The following CHRM5 variants were observed in gnomAD, a reference collection of about 807,000 sequenced individuals.
CHRM5 encodes cholinergic receptor muscarinic 5.
Under a neutral mutation model 39.0 loss-of-function variants are expected in CHRM5, and 18 were observed. The observed-to-expected ratio is 0.46, with a 90% CI of 0.32 to 0.68. CHRM5 has a LOEUF of 0.68. Ranked by LOEUF, CHRM5 falls within the 30% of genes least tolerant of loss-of-function variation. The pLI, the probability that CHRM5 is intolerant of heterozygous loss-of-function variation, is 0.04. For synonymous variants in CHRM5, 241 were observed against 246.3 expected (o/e 0.98, Z 0.20); for missense variants, 515 against 651.1 (o/e 0.79, Z 2.28).
intron 1 of CHRM5, among the ~76,000 whole-genome samples, chr15:34,035,945 C>T (rs768957841): frequency 5.9e-5 from 9 of 152,032 alleles, no homozygotes; most frequent in Non-Finnish European, 1.2e-4. Context: ...ACAGATGCAC[C>T]CCGCCATGCT....
At chr15:33,995,486 A>C (rs1033869283) in intron 1 of CHRM5, among the ~76,000 whole-genome samples, 1 of 152,192 alleles carries the variant, frequency 6.6e-6, no homozygotes, top group African/African-American at 2.4e-5. Flanking sequence ...TAGCATTCCT[A>C]GATTTTGGTA....
chr15:34,000,193 C>T (rs1005323973), intron 1 of CHRM5, among the ~76,000 whole-genome samples: 5 of 152,180 alleles, frequency 3.3e-5, no homozygotes, highest in Admixed American at 3.3e-4. Flanking sequence ...ACAGCCCTTC[C>T]TCATTTTATT....
chr15:33,976,109 T>C (rs1250638986), intron 1 of CHRM5, among the ~76,000 whole-genome samples: 1 of 152,216 alleles, frequency 6.6e-6, no homozygotes, highest in African/African-American at 2.4e-5. Context: ...TGAACCTCCA[T>C]ATATAACTAA....
chr15:34,063,110 C>G lies in CHRM5; in HGVS notation c.393C>G (p.Ser131=). The G allele has an allele frequency of 6.2e-7, 1 of 1,614,130 alleles. No individual in the cohort carries two copies. Among genetic ancestry groups the G allele is most frequent in the South Asian group, 1.1e-5 (1 of 91,074 alleles). ...LLVISFDRYF[S]ITRPLTYRAK... ...TGATCAGTTTTGACCGTTACTTTTC[C>G]ATCACAAGACCCTTGACATATCGGG... The change falls in exon 3 of 3, where the codon TCC becomes TCG. Residue 131 remains serine (S), a synonymous_variant. Transcript: ENST00000383263. The surrounding 1 kb of genome is among the most constrained non-coding windows in gnomAD (Gnocchi z 4.1).
intron 2 of CHRM5, among the ~76,000 whole-genome samples, chr15:34,052,910 G>C (rs1200361457): frequency 6.6e-6 from 1 of 152,106 alleles, no homozygotes; most frequent in Non-Finnish European, 1.5e-5. Flanking sequence ...CATGAAAATA[G>C]TCATACTGCC....
chr15:34,022,158 T>A (rs2702284), intron 1 of CHRM5, among the ~76,000 whole-genome samples: 1 of 152,126 alleles, frequency 6.6e-6, no homozygotes, highest in Admixed American at 6.5e-5. Context: ...CTAGCTGAAC[T>A]GCTTTCTATT....
intron 1 of CHRM5, among the ~76,000 whole-genome samples, chr15:34,019,565 C>T (rs952623103): frequency 1.3e-5 from 2 of 152,228 alleles, no homozygotes; most frequent in East Asian, 3.8e-4. Context: ...GAGCAACTTT[C>T]AGTCCTGCAA....
intron 1 of CHRM5, among the ~76,000 whole-genome samples, chr15:34,019,027 G>A (rs542533992): frequency 4.0e-5 from 6 of 151,474 alleles, no homozygotes; most frequent in Non-Finnish European, 7.4e-5. Context: ...GACACAGAGC[G>A]CTGATTGGTG....
At chr15:34,000,244 C>A (rs1397476339) in intron 1 of CHRM5, among the ~76,000 whole-genome samples, 1 of 152,200 alleles carries the variant, frequency 6.6e-6, no homozygotes, top group Non-Finnish European at 1.5e-5. Flanking sequence ...TTTATATACT[C>A]TTCTTGTTTG....
At chr15:34,005,648 A>G (rs781232188) in intron 1 of CHRM5, among the ~76,000 whole-genome samples, 11 of 152,194 alleles carry the variant, frequency 7.2e-5, no homozygotes, top group Non-Finnish European at 1.2e-4. Flanking sequence ...CACTGTACAG[A>G]TATGTCTTCC....
chr15:33,992,302 A>C (rs1896758338), intron 1 of CHRM5, among the ~76,000 whole-genome samples: 1 of 152,044 alleles, frequency 6.6e-6, no homozygotes. Flanking sequence ...AGGGAGGAGA[A>C]TGGCGTCAGC....
intron 1 of CHRM5, among the ~76,000 whole-genome samples, chr15:33,979,428 G>A (rs1270706338): frequency 6.6e-6 from 1 of 152,070 alleles, no homozygotes; most frequent in East Asian, 1.9e-4. Flanking sequence ...AGGATCACAT[G>A]AGCCCAGGAG....
intron 2 of CHRM5, 97 bp downstream of exon 2, chr15:34,046,968 A>G (rs955532981): frequency 6.6e-6 from 1 of 152,318 alleles, no homozygotes; most frequent in Non-Finnish European, 1.5e-5. Flanking sequence ...CCATGCCAGC[A>G]GAGCCTTAGG....
chr15:34,043,120 G>A (rs1243450004), intron 1 of CHRM5, among the ~76,000 whole-genome samples: 3 of 151,790 alleles, frequency 2.0e-5, no homozygotes, highest in African/African-American at 2.4e-5. Context: ...GGTGACGGGC[G>A]CCTGTAGTCC....
intron 2 of CHRM5, among the ~76,000 whole-genome samples, chr15:34,053,903 G>A (rs1900034912): frequency 1.3e-5 from 2 of 151,998 alleles, no homozygotes; most frequent in Non-Finnish European, 2.9e-5. Context: ...CTTACAGAAT[G>A]GGAGAAAAAT....
chr15:34,028,697 A>G (rs1898615031), intron 1 of CHRM5, among the ~76,000 whole-genome samples: 1 of 152,218 alleles, frequency 6.6e-6, no homozygotes, highest in African/African-American at 2.4e-5. Flanking sequence ...TGTGTAAGGT[A>G]GATATCCTTA....
At chr15:33,985,976 C>G (rs1391132208) in intron 1 of CHRM5, among the ~76,000 whole-genome samples, 2 of 152,190 alleles carry the variant, frequency 1.3e-5, no homozygotes, top group Non-Finnish European at 2.9e-5. Flanking sequence ...AGATCTAACT[C>G]ACATAGCATT....
rs1226215232 is a variant in CHRM5 at position 34,064,404 on chromosome 15, A to G, written c.*88A>G. On this transcript the variant is annotated 3_prime_UTR_variant, in exon 3 of 3. Coordinates refer to ENST00000383263, the MANE Select transcript of CHRM5 (RefSeq NM_012125.4). ...GCTGATTCTGGTTTGTATATTTTCA[A>G]AAAGAAGACATCTCATTTTGAGTCC... 1 of 1,417,754 alleles carries G rather than the reference A, an allele frequency of 7.1e-7. No individual in the cohort carries two copies. Among genetic ancestry groups the G allele is most frequent in the Non-Finnish European group, 9.4e-7 (1 of 1,067,584 alleles). 87.8% of individuals were successfully genotyped at this position (1,417,754 alleles called of 1,614,324 possible).
chr15:34,016,317 G>C (rs946172736), intron 1 of CHRM5, among the ~76,000 whole-genome samples: 2 of 152,180 alleles, frequency 1.3e-5, no homozygotes, highest in African/African-American at 2.4e-5. Context: ...AGTACTATCA[G>C]ATCAACAAAA....
Sources: gnomAD v4.1 joint callset for allele counts (sites outside exome capture counted in the v4.1 genomes callset) on GRCh38, gnomAD v4.1.1 for gene constraint, Gnocchi (gnomAD v3.1) non-coding constraint, MANE v1.5 for transcripts, NCBI Gene and HGNC (gene_info 2026-07-23, HGNC 2026-07-21) for gene names.